UNC13A: variants seen among roughly 807,000 people sequenced by gnomAD.
UNC13A encodes the protein protein unc-13 homolog A.
UNC13A carries 61 observed loss-of-function variants against 219.7 expected under a neutral mutation model. The observed-to-expected ratio is 0.28, with a 90% CI of 0.23 to 0.34. The LOEUF (loss-of-function observed/expected upper bound fraction) is 0.34, where lower values mean the gene tolerates loss of function less well. Ranked by LOEUF, UNC13A falls within the 10% of genes least tolerant of loss-of-function variation. The pLI, the probability that UNC13A is intolerant of heterozygous loss-of-function variation, is 1.00. For missense variants in UNC13A, 1,476 were observed against 2,270.3 expected (o/e 0.65, Z 7.11); for synonymous variants, 920 against 884.6 (o/e 1.04, Z -0.71).
chr19:17,650,933 ATT>A (rs34451347), intron 12 of UNC13A, among the ~76,000 whole-genome samples: 3 of 128,274 alleles, frequency 2.3e-5, no homozygotes, highest in Admixed American at 8.3e-5. Context: ...CACCCAGCAA[ATT>A]TTTTTTTTTT....
rs561020704 is a variant in UNC13A, at chr19:17,643,995, G to A, written c.2357-1035C>T. ...ATGTCCTCCAATCTAAGAGGTTTCC[G>A]GGCTCTGCTCACCTCTCTCAGGCTG... On this transcript the variant is annotated intron_variant, in intron 19 of 43. Coordinates refer to ENST00000519716, the MANE Select transcript of UNC13A (RefSeq NM_001080421.3). Among the ~76,000 whole-genome samples the A allele has an allele frequency of 2.1e-4, 32 of 152,118 alleles. No individual in the cohort carries two copies. The East Asian group carries it at 2.1e-3, about 10-fold the overall frequency.
At position 17,617,777 on chromosome 19, in the gene UNC13A, G is replaced by C. The variant is rs761070420; in HGVS notation, c.4483C>G (p.Arg1495Gly). 1 of 1,613,432 alleles carries C rather than the reference G, an allele frequency of 6.2e-7. No homozygotes were observed. Among genetic ancestry groups the C allele is most frequent in the Non-Finnish European group, 8.5e-7 (1 of 1,179,730 alleles). Residue 1495 changes from arginine (R) to glycine (G), a missense_variant, in exon 41 of 44, where the codon CGC (arginine) becomes GGC (glycine). Around this residue, in one of 14 missense-constraint regions of UNC13A, gnomAD observed 77 missense variants for 94.8 expected, o/e 0.81. Transcript: ENST00000519716. ...LEKSPDLQSLRYALSLYTQAT... is the reference protein window; with the variant it reads ...LEKSPDLQSLGYALSLYTQAT... ...TGCGTGTAGAGCGACAGGGCATAGC[G>C]CAAGGATTGCAGGTCCGGGCTCTTC...
rs781036091 is a variant in UNC13A at position 17,633,095 on chromosome 19, G to T, written c.3301+13C>A. 1 of 1,613,866 alleles carries T rather than the reference G, an allele frequency of 6.2e-7. No individual in the cohort carries two copies. The highest frequency in any genetic ancestry group is 1.3e-5 in the African/African-American group (1 of 74,908). On this transcript the variant is annotated intron_variant, in intron 27 of 43. Transcript: ENST00000519716. ...TGTGGCCAGGCTGGGGAACACTGGG[G>T]TGGGAAACTCACCCTCCATGGCGTA...
chr19:17,683,578 A>AG (rs1568277284), intron 1 of UNC13A, among the ~76,000 whole-genome samples: 124 of 152,010 alleles, frequency 8.2e-4, no homozygotes, highest in African/African-American at 2.9e-3. Flanking sequence ...AAATCGCTTG[A>AG]ACTTGGAAGG....
chr19:17,610,147 A>G (rs745966675), intron 42 of UNC13A, 48 bp from the exon 43 acceptor site: 2 of 1,609,756 alleles, frequency 1.2e-6, no homozygotes, highest in African/African-American at 2.7e-5. Flanking sequence ...TCCCAGTTGG[A>G]AAAAGTAGAT....
At position 17,674,205 on chromosome 19, in the gene UNC13A, G is replaced by A. The variant is rs1483346664; in HGVS notation, c.152+452C>T. On this transcript the variant is annotated intron_variant, in intron 3 of 43. Transcript: ENST00000519716. The surrounding 1 kb of genome is among the most constrained non-coding windows in gnomAD (Gnocchi z 5.0). Reference sequence around the variant, plus strand: ...CTGGGGCAAGAACAAGCTGGGAAGTGTTGGAGAAAGGGGCAGAGGTGGGTG... The same window carrying A: ...CTGGGGCAAGAACAAGCTGGGAAGTATTGGAGAAAGGGGCAGAGGTGGGTG... Among the ~76,000 whole-genome samples, 2 of 152,214 alleles carry A rather than the reference G, an allele frequency of 1.3e-5. No individual in the cohort carries two copies. The highest frequency in any genetic ancestry group is 4.8e-5 in the African/African-American group (2 of 41,454).
At position 17,617,709 on chromosome 19, in the gene UNC13A, C is replaced by T. The variant is rs2076682591; in HGVS notation, c.4551G>A (p.Ser1517=). Residue 1517 remains serine (S), a synonymous_variant, in exon 41 of 44, where the codon TCG becomes TCA. Transcript: ENST00000519716. ...CGGTCTGGGTACCCTTACCCTGGGC[C>T]GATTGCGTCTGTACAAAGGTCTTGA... ...LLIKTFVQTQ[S]AQGLGVEDPV... is the part of the protein sequence containing the mutation. 2 of 1,613,592 alleles carry T rather than the reference C, an allele frequency of 1.2e-6. No homozygotes were observed. Among genetic ancestry groups the T allele is most frequent in the Non-Finnish European group, 1.7e-6 (2 of 1,179,544 alleles).
chr19:17,671,566 T>C (rs1226498725), intron 4 of UNC13A, among the ~76,000 whole-genome samples: 1 of 150,492 alleles, frequency 6.6e-6, no homozygotes, highest in Non-Finnish European at 1.5e-5. Flanking sequence ...AGCCCAGGAG[T>C]TCGAAACCAG....
At position 17,605,971 on chromosome 19, in the gene UNC13A, A is replaced by C; in HGVS notation, c.*83T>G. ...AGCCCCCCGAGCCCCGCCCCTGGGG[A>C]GGTCCCACCAAGGCGCAAGCCCCGT... On this transcript the variant is annotated 3_prime_UTR_variant, in exon 44 of 44. Coordinates refer to ENST00000519716, the MANE Select transcript of UNC13A (RefSeq NM_001080421.3). 3.2e-6 allele frequency: 4 copies of C among 1,250,018 alleles called. No individual in the cohort carries two copies. The highest frequency in any genetic ancestry group is 1.6e-5 in the African/African-American group (1 of 62,534). 77.4% of individuals were successfully genotyped at this position (1,250,018 alleles called of 1,614,324 possible). A position where few individuals can be genotyped will look rare whatever the true frequency, so the allele number is the denominator to read the frequency against.
chr19:17,652,155 A>G (rs1380793571), intron 12 of UNC13A, among the ~76,000 whole-genome samples: 1 of 152,008 alleles, frequency 6.6e-6, no homozygotes, highest in African/African-American at 2.4e-5. Flanking sequence ...TTTTTGAGAC[A>G]GTGTCCCGCT....
chr19:17,669,573 G>C lies in UNC13A; in HGVS notation c.374C>G (p.Thr125Arg). ...CTCACCTAAGGGTAGCTCAAAGCGCGTGTCCAGGAGGATGCGGTGGAAGGT... is the reference window on the plus strand; with the variant it reads ...CTCACCTAAGGGTAGCTCAAAGCGCCTGTCCAGGAGGATGCGGTGGAAGGT... ...DPTFHRILLD[T>R]RFELPLDIPE... The change falls in exon 5 of 44, where the codon ACG becomes AGG. Residue 125 changes from threonine to arginine, a missense_variant. By Grantham distance (71) the Thr-to-Arg change is moderately conservative. Around this residue, in one of 14 missense-constraint regions of UNC13A, gnomAD observed 203 missense variants for 301.6 expected, o/e 0.67. Transcript: ENST00000519716. The C allele has an allele frequency of 6.2e-7, 1 of 1,613,754 alleles. No homozygotes were observed. Among genetic ancestry groups the C allele is most frequent in the Non-Finnish European group, 8.5e-7 (1 of 1,179,764 alleles).
intron 26 of UNC13A, among the ~76,000 whole-genome samples, chr19:17,635,073 G>C (rs2076899216): frequency 6.6e-6 from 1 of 152,164 alleles, no homozygotes; most frequent in Non-Finnish European, 1.5e-5. Context: ...GTTTCACCAT[G>C]TTAGCCAGGA....
chr19:17,641,635 T>A, intron 20 of UNC13A, 79 bp from the exon 21 acceptor site: 1 of 1,429,628 alleles, frequency 7.0e-7, no homozygotes, highest in Non-Finnish European at 9.6e-7. Context: ...CTGGGGCAGC[T>A]TACATCATCC....
chr19:17,628,203 G>A (rs899862883), intron 31 of UNC13A: 1 of 525,076 alleles, frequency 1.9e-6, no homozygotes, highest in Non-Finnish European at 3.4e-6. Context: ...GTCCATGAGA[G>A]GGGCTGGGAA....
At chr19:17,632,735 C>T (rs905959692) in intron 28 of UNC13A, 47 bp downstream of exon 28, 3 of 1,612,224 alleles carry the variant, frequency 1.9e-6, no homozygotes, top group East Asian at 2.2e-5. Flanking sequence ...TTCTAGCTGT[C>T]AGTGCTACAG....
At chr19:17,618,374 A>G (rs2076691168) in intron 40 of UNC13A, 47 bp downstream of exon 40, 1 of 1,542,010 alleles carries the variant, frequency 6.5e-7, no homozygotes, top group Non-Finnish European at 8.8e-7. Context: ...CAGCAGCCAC[A>G]CCCTCTACAT....
chr19:17,658,908 A>G (rs1483899784), intron 8 of UNC13A, among the ~76,000 whole-genome samples: 2 of 152,184 alleles, frequency 1.3e-5, no homozygotes, highest in Non-Finnish European at 2.9e-5. Flanking sequence ...CTTCATGTTT[A>G]ATAAGAACTA....
At chr19:17,648,782 G>A in intron 15 of UNC13A, 130 bp downstream of exon 15, 1 of 1,476,910 alleles carries the variant, frequency 6.8e-7, no homozygotes, top group South Asian at 1.2e-5. Context: ...CGGAATCCAC[G>A]CTGCCTTCTG....
chr19:17,606,581 T>G (rs1366615482), intron 43 of UNC13A, among the ~76,000 whole-genome samples: 6 of 149,404 alleles, frequency 4.0e-5, no homozygotes, highest in African/African-American at 1.5e-4. Flanking sequence ...ACGCCTGTTC[T>G]TCCCATTTTT....
Sources: gnomAD v4.1 joint callset for allele counts (sites outside exome capture counted in the v4.1 genomes callset) on GRCh38, gnomAD v4.1.1 for gene constraint, gnomAD v4.1.1 regional missense constraint, Gnocchi (gnomAD v3.1) non-coding constraint, MANE v1.5 for transcripts, NCBI Gene and HGNC (gene_info 2026-07-23, HGNC 2026-07-21) for gene names.